UVRAG: variants seen among roughly 807,000 people sequenced by gnomAD.
UVRAG encodes UV radiation resistance associated.
Under a neutral mutation model 78.0 loss-of-function variants are expected in UVRAG, and 19 were observed. The ratio of observed to expected loss-of-function variants is 0.24; its 90% confidence interval spans 0.17 to 0.36. The LOEUF is 0.36. Ranked by LOEUF, UVRAG falls within the 10% of genes least tolerant of loss-of-function variation. The probability of loss-of-function intolerance (pLI) is 1.00; values close to 1 mark genes in which losing one functional copy is unlikely to be tolerated. For synonymous variants in UVRAG, 323 were observed against 324.6 expected (o/e 1.00, Z 0.05); for missense variants, 740 against 853.8 (o/e 0.87, Z 1.66).
At chr11:75,828,780 C>CACATAT (rs1408708733) in intron 1 of UVRAG, among the ~76,000 whole-genome samples, 3 of 92,850 alleles carry the variant, frequency 3.2e-5, no homozygotes, top group Non-Finnish European at 6.1e-5. Flanking sequence ...TATATACACA[C>CACATAT]ATATATATAT....
intron 13 of UVRAG, among the ~76,000 whole-genome samples, chr11:76,083,943 A>G (rs1591217600): frequency 1.3e-5 from 2 of 152,212 alleles, no homozygotes; most frequent in South Asian, 2.1e-4. Context: ...TGGCCCAGCT[A>G]TCAAAATAAC....
rs537972731 is a variant in UVRAG, at chr11:76,112,959, G to A, written c.1306-2965G>A. ...CCCAGACTCGTCTGAAACTCCACCC[G>A]CCTCAGCTTCCCAAAGTGCTGGGAT... On this transcript the variant is annotated intron_variant, in intron 13 of 14. Transcript: ENST00000356136. Among the ~76,000 whole-genome samples the A allele has an allele frequency of 2.5e-4, 38 of 152,052 alleles. 1 individual carries two copies. The highest frequency in any genetic ancestry group is 2.1e-3 in the Admixed American group (32 of 15,256).
At chr11:76,135,023 T>C (rs1952576476) in intron 14 of UVRAG, among the ~76,000 whole-genome samples, 1 of 152,170 alleles carries the variant, frequency 6.6e-6, no homozygotes, top group African/African-American at 2.4e-5. Flanking sequence ...TGTTGTGAAT[T>C]GTACATTTGA....
intron 8 of UVRAG, among the ~76,000 whole-genome samples, chr11:75,990,507 G>T (rs561200743): frequency 6.6e-6 from 1 of 152,086 alleles, no homozygotes; most frequent in East Asian, 1.9e-4. Flanking sequence ...TCATACTCTC[G>T]TGGGTTTCTG....
chr11:75,903,933 C>T (rs1947562852), intron 5 of UVRAG, among the ~76,000 whole-genome samples: 1 of 152,168 alleles, frequency 6.6e-6, no homozygotes, highest in African/African-American at 2.4e-5. Context: ...TGTGTTGTTG[C>T]AGCTAAAAAC....
intron 8 of UVRAG, 46 bp downstream of exon 8, chr11:75,983,559 GT>G (rs752954555): frequency 1.2e-5 from 18 of 1,500,798 alleles, no homozygotes; most frequent in Admixed American, 8.7e-5. Flanking sequence ...ACATTCAGTA[GT>G]TCTCCTTTCT....
At chr11:75,871,398 C>T (rs1253029221) in intron 3 of UVRAG, among the ~76,000 whole-genome samples, 1 of 151,274 alleles carries the variant, frequency 6.6e-6, no homozygotes, top group African/African-American at 2.4e-5. Context: ...GTGATTATCC[C>T]ACCTCAGCCT....
chr11:75,964,214 G>A (rs1331387946), intron 7 of UVRAG, among the ~76,000 whole-genome samples: 1 of 152,138 alleles, frequency 6.6e-6, no homozygotes, highest in Non-Finnish European at 1.5e-5. Flanking sequence ...TTGTTTCCTT[G>A]TAATCTCTTT....
At chr11:75,899,852 A>G (rs1028133470) in intron 5 of UVRAG, among the ~76,000 whole-genome samples, 4 of 152,228 alleles carry the variant, frequency 2.6e-5, no homozygotes, top group Non-Finnish European at 5.9e-5. Flanking sequence ...TGAAGTCCAC[A>G]AAAGTTCCAC....
intron 6 of UVRAG, among the ~76,000 whole-genome samples, chr11:75,920,468 T>TAC (rs201945341): frequency 3.3e-5 from 5 of 151,948 alleles, no homozygotes; most frequent in South Asian, 2.1e-4. Context: ...GACACACATA[T>TAC]ACACACACAC....
At chr11:75,879,741 T>C in intron 3 of UVRAG, 138 bp from the exon 4 acceptor site, 2 of 1,103,740 alleles carry the variant, frequency 1.8e-6, no homozygotes, top group Non-Finnish European at 2.6e-6. Flanking sequence ...TGTAATGTCT[T>C]CTTGGCTTAC....
intron 5 of UVRAG, among the ~76,000 whole-genome samples, chr11:75,897,584 G>C (rs543158752): frequency 6.6e-6 from 1 of 152,042 alleles, no homozygotes; most frequent in East Asian, 1.9e-4. Flanking sequence ...GAGTGCAGTG[G>C]CATGATCTCG....
chr11:75,847,589 A>T (rs949991355), intron 1 of UVRAG, among the ~76,000 whole-genome samples: 1 of 152,118 alleles, frequency 6.6e-6, no homozygotes, highest in Non-Finnish European at 1.5e-5. Flanking sequence ...GAACGTTATT[A>T]AAAAAGAAGG....
At chr11:75,916,727 G>T (rs1947864912) in intron 6 of UVRAG, 2 of 152,336 alleles carry the variant, frequency 1.3e-5, no homozygotes, top group South Asian at 2.1e-4. Flanking sequence ...AGGCTAGAGT[G>T]TTTCAAGGAT....
chr11:76,064,321 C>T (rs778127928), intron 12 of UVRAG, among the ~76,000 whole-genome samples: 49 of 152,180 alleles, frequency 3.2e-4, no homozygotes, highest in African/African-American at 1.1e-3. Flanking sequence ...CTCTAAAGTG[C>T]CCCTGTTGGG....
intron 1 of UVRAG, among the ~76,000 whole-genome samples, chr11:75,846,919 G>A (rs1270056953): frequency 1.3e-5 from 2 of 151,948 alleles, no homozygotes; most frequent in East Asian, 3.9e-4. Context: ...TGCCTCCCTT[G>A]TTCAGGCGAT....
At position 76,091,837 on chromosome 11, in the gene UVRAG, G is replaced by GTTT. The variant is rs112183787; in HGVS notation, c.1306-24079_1306-24077dup. Among the ~76,000 whole-genome samples, 492 of 146,608 alleles carry GTTT rather than the reference G, an allele frequency of 3.4e-3. 6 individuals carry two copies. Among genetic ancestry groups the GTTT allele is most frequent in the African/African-American group, 0.012 (469 of 40,190 alleles). On this transcript the variant is annotated intron_variant, in intron 13 of 14. Coordinates refer to ENST00000356136, the MANE Select transcript of UVRAG (RefSeq NM_003369.4). ...TTTGGAGATACCCGATTGTATATTT[G>GTTT]TTTTTTTTTTATTATTCTTTAAGTT...
intron 8 of UVRAG, among the ~76,000 whole-genome samples, chr11:75,985,883 A>T (rs1949492785): frequency 6.6e-6 from 1 of 151,500 alleles, no homozygotes; most frequent in African/African-American, 2.4e-5. Context: ...CTATTGATCT[A>T]TTTTTCTGGT....
At chr11:75,981,151 G>A (rs1011489722) in intron 7 of UVRAG, among the ~76,000 whole-genome samples, 11 of 151,874 alleles carry the variant, frequency 7.2e-5, no homozygotes, top group Middle Eastern at 3.4e-3. Flanking sequence ...TTGCCCTGTC[G>A]CCCAGACTGG....
Sources: allele counts gnomAD v4.1 joint callset (sites outside exome capture counted in the v4.1 genomes callset), GRCh38; gene constraint gnomAD v4.1.1; transcripts MANE v1.5; gene names NCBI Gene and HGNC (gene_info 2026-07-23, HGNC 2026-07-21).